Variants in ADCY2 observed in about 807,000 individuals in gnomAD.
ADCY2 encodes adenylate cyclase 2, also known as adenylate cyclase type 2.
A neutral mutation model predicts 125.2 loss-of-function variants in ADCY2; 31 were observed. The ratio of observed to expected loss-of-function variants is 0.25; its 90% CI spans 0.19 to 0.33. ADCY2 has a LOEUF of 0.33. ADCY2 is among the 10% of genes least tolerant of loss of function. The probability of loss-of-function intolerance (pLI) is 1.00; values close to 1 mark genes in which losing one functional copy is unlikely to be tolerated. For synonymous variants in ADCY2, 512 were observed against 548.4 expected (o/e 0.93, Z 0.93); for missense variants, 904 against 1,418.2 (o/e 0.64, Z 5.82).
chr5:7,817,823 C>CAAA (rs57731885), intron 23 of ADCY2, among the ~76,000 whole-genome samples: 15 of 78,298 alleles, frequency 1.9e-4, no homozygotes, highest in Admixed American at 3.0e-4. Flanking sequence ...ACGCTGTCAC[C>CAAA]AAAAAAAAAA....
At chr5:7,667,187 C>G (rs1174747124) in intron 4 of ADCY2, among the ~76,000 whole-genome samples, 1 of 151,960 alleles carries the variant, frequency 6.6e-6, no homozygotes, top group Admixed American at 6.6e-5. Context: ...CCAGGCTTTT[C>G]CACTTTCCTG....
chr5:7,520,838 C>G lies in ADCY2; in HGVS notation c.509C>G (p.Thr170Ser), dbSNP rs767032662. ...IASVLTSSSH[T>S]IVLSVCLSAT... ...AGCGTCCTCACCTCCTCCTCCCACACCATCGTGCTTAGCGTCTGCCTGTCT... is the reference window on the plus strand; with the variant it reads ...AGCGTCCTCACCTCCTCCTCCCACAGCATCGTGCTTAGCGTCTGCCTGTCT... The change falls in exon 3 of 25, where the codon ACC (threonine) becomes AGC (serine). Residue 170 changes from threonine (T) to serine (S), a missense_variant. Physicochemically the swap from Thr to Ser is moderately conservative, Grantham distance 58. Transcript: ENST00000338316. The G allele has an allele frequency of 1.2e-6, 2 of 1,614,224 alleles. No individual in the cohort carries two copies. Among genetic ancestry groups the G allele is most frequent in the Admixed American group, 1.7e-5 (1 of 60,032 alleles).
chr5:7,589,462 G>GAA (rs1554022177), intron 3 of ADCY2, among the ~76,000 whole-genome samples: 3 of 34,242 alleles, frequency 8.8e-5, no homozygotes, highest in East Asian at 2.3e-3. Context: ...GAAAGAAAAA[G>GAA]AAAGAAAGAA....
chr5:7,461,173 A>G (rs1466759965), intron 2 of ADCY2, among the ~76,000 whole-genome samples: 1 of 152,122 alleles, frequency 6.6e-6, no homozygotes, highest in Non-Finnish European at 1.5e-5. Context: ...AGAGACTTCC[A>G]GGAAGAAACC....
At chr5:7,554,781 G>T (rs11134238) in intron 3 of ADCY2, among the ~76,000 whole-genome samples, 1 of 152,212 alleles carries the variant, frequency 6.6e-6, no homozygotes, top group East Asian at 1.9e-4. Flanking sequence ...GATTTCATAG[G>T]ATCTAGGAAC....
At chr5:7,656,993 A>T (rs190762293) in intron 4 of ADCY2, among the ~76,000 whole-genome samples, 150 of 152,364 alleles carry the variant, frequency 9.8e-4, no homozygotes, top group Non-Finnish European at 1.0e-4. Context: ...CACAAATTTC[A>T]TCACGTGCAA....
intron 11 of ADCY2, among the ~76,000 whole-genome samples, chr5:7,716,909 T>C: frequency 6.6e-6 from 1 of 152,142 alleles, no homozygotes; most frequent in East Asian, 1.9e-4. Flanking sequence ...TGACTGTAGT[T>C]AGCAACAATG....
chr5:7,823,512 G>A (rs1364580638), intron 24 of ADCY2, among the ~76,000 whole-genome samples: 1 of 152,160 alleles, frequency 6.6e-6, no homozygotes, highest in Non-Finnish European at 1.5e-5. Context: ...AGGCTTCCGG[G>A]ACTTTCTGCA....
chr5:7,543,986 C>A (rs1735075343), intron 3 of ADCY2, among the ~76,000 whole-genome samples: 1 of 140,396 alleles, frequency 7.1e-6, no homozygotes, highest in Admixed American at 8.1e-5. Flanking sequence ...TGCACTCCAG[C>A]CTGGGTGACA....
intron 4 of ADCY2, among the ~76,000 whole-genome samples, chr5:7,685,716 G>A (rs1740501068): frequency 6.6e-6 from 1 of 152,204 alleles, no homozygotes; most frequent in Non-Finnish European, 1.5e-5. Context: ...GACTGTTATT[G>A]TCTGAGACTT....
chr5:7,793,203 CT>C (rs1274847436), intron 20 of ADCY2, among the ~76,000 whole-genome samples: 6 of 152,150 alleles, frequency 3.9e-5, no homozygotes, highest in Non-Finnish European at 7.3e-5. Flanking sequence ...AATCTCAGCA[CT>C]TTGGGAGGCC....
At chr5:7,550,405 T>G (rs1466382005) in intron 3 of ADCY2, among the ~76,000 whole-genome samples, 2 of 152,146 alleles carry the variant, frequency 1.3e-5, no homozygotes, top group Non-Finnish European at 2.9e-5. Context: ...CTGTGGAAAA[T>G]GAGACTTTGA....
At chr5:7,656,985 C>G (rs2126688168) in intron 4 of ADCY2, among the ~76,000 whole-genome samples, 1 of 152,344 alleles carries the variant, frequency 6.6e-6, no homozygotes, top group Middle Eastern at 3.4e-3. Flanking sequence ...GTGCTTAACA[C>G]AAATTTCATC....
intron 1 of ADCY2, among the ~76,000 whole-genome samples, chr5:7,408,856 G>T (rs7706154): frequency 1.3e-5 from 2 of 151,674 alleles, no homozygotes; most frequent in Non-Finnish European, 2.9e-5. Context: ...AAATACCATT[G>T]GACCCAGCAA....
chr5:7,488,785 A>C (rs1743041534), intron 2 of ADCY2, among the ~76,000 whole-genome samples: 1 of 152,004 alleles, frequency 6.6e-6, no homozygotes, highest in African/African-American at 2.4e-5. Flanking sequence ...CCCTTTGCCC[A>C]TTTCTTCTAG....
intron 4 of ADCY2, among the ~76,000 whole-genome samples, chr5:7,669,011 T>C (rs1739847688): frequency 1.3e-5 from 2 of 152,138 alleles, no homozygotes; most frequent in African/African-American, 2.4e-5. Flanking sequence ...CTGCACCCAG[T>C]ATGAGGAGGC....
chr5:7,523,802 A>T (rs1022530764), intron 3 of ADCY2, among the ~76,000 whole-genome samples: 1 of 152,196 alleles, frequency 6.6e-6, no homozygotes, highest in African/African-American at 2.4e-5. Flanking sequence ...ATGTAACACT[A>T]TGTAAAATAA....
At position 7,812,780 on chromosome 5, in the gene ADCY2, C is replaced by T. The variant is rs1011939794; in HGVS notation, c.2884-4086C>T. Among the ~76,000 whole-genome samples the T allele has an allele frequency of 2.6e-5, 4 of 152,106 alleles. No homozygotes were observed. The East Asian group carries it at 7.7e-4, about 29-fold the overall frequency. On this transcript the variant is annotated intron_variant, in intron 22 of 24. Transcript: ENST00000338316. ...AAAAATTAACCAGGCTTGGTGGGCA[C>T]ACAACTGTAGTCCCAGTTACTCGGG...
chr5:7,454,054 A>C (rs1579459183), intron 2 of ADCY2, among the ~76,000 whole-genome samples: 1 of 152,150 alleles, frequency 6.6e-6, no homozygotes, highest in African/African-American at 2.4e-5. Context: ...TTAGCGAGAC[A>C]GTTAACAACT....
Sources: allele counts gnomAD v4.1 joint callset (sites outside exome capture counted in the v4.1 genomes callset), GRCh38; gene constraint gnomAD v4.1.1; transcripts MANE v1.5; gene names NCBI Gene and HGNC (gene_info 2026-07-23, HGNC 2026-07-21).